The following NT5DC1 variants were observed in gnomAD, a reference collection of about 807,000 sequenced individuals.
The protein encoded by NT5DC1 is 5'-nucleotidase domain containing 1.
Under a neutral mutation model 59.4 loss-of-function variants are expected in NT5DC1, and 42 were observed. The ratio of observed to expected loss-of-function variants is 0.71; its 90% CI spans 0.55 to 0.92. The LOEUF is 0.92. Among genes scored for constraint, NT5DC1 ranks in the 40% least tolerant of loss-of-function variants. The probability of loss-of-function intolerance (pLI) is 0.00; values close to 1 mark genes in which losing one functional copy is unlikely to be tolerated. For synonymous variants in NT5DC1, 172 were observed against 188.1 expected (o/e 0.91, Z 0.70); for missense variants, 501 against 537.1 (o/e 0.93, Z 0.66).
At chr6:116,240,143 A>T (rs1247256824) in intron 11 of NT5DC1, among the ~76,000 whole-genome samples, 1 of 152,192 alleles carries the variant, frequency 6.6e-6, no homozygotes, top group Non-Finnish European at 1.5e-5. Flanking sequence ...TATAGTGAGA[A>T]GGAGTAAGAT....
chr6:116,218,929 C>T (rs1245473110), intron 6 of NT5DC1, among the ~76,000 whole-genome samples: 1 of 152,124 alleles, frequency 6.6e-6, no homozygotes, highest in Admixed American at 6.6e-5. Context: ...TTTTACACAA[C>T]CAGAGGTTGT....
intron 6 of NT5DC1, among the ~76,000 whole-genome samples, chr6:116,220,435 GAT>G (rs1444447363): frequency 4.6e-5 from 7 of 152,130 alleles, no homozygotes; most frequent in Non-Finnish European, 1.0e-4. Context: ...CCGCTTCAGT[GAT>G]GCGAGTCATT....
At chr6:116,170,373 A>G (rs956221945) in intron 6 of NT5DC1, among the ~76,000 whole-genome samples, 1 of 152,172 alleles carries the variant, frequency 6.6e-6, no homozygotes, top group African/African-American at 2.4e-5. Context: ...TTCGAAGTCT[A>G]TTCTGCCACG....
intron 1 of NT5DC1, among the ~76,000 whole-genome samples, chr6:116,103,670 C>A (rs182220532): frequency 6.6e-6 from 1 of 152,082 alleles, no homozygotes; most frequent in African/African-American, 2.4e-5. Flanking sequence ...GCTGTGAGTG[C>A]GTCTCCTTTC....
chr6:116,198,371 C>T (rs1781279321), intron 6 of NT5DC1, among the ~76,000 whole-genome samples: 2 of 152,006 alleles, frequency 1.3e-5, no homozygotes, highest in Non-Finnish European at 2.9e-5. Flanking sequence ...TAACTGTGCT[C>T]ATGCCCTGCT....
chr6:116,147,147 A>G (rs1450053271), intron 6 of NT5DC1, among the ~76,000 whole-genome samples: 6 of 151,954 alleles, frequency 3.9e-5, no homozygotes, highest in Non-Finnish European at 8.8e-5. Flanking sequence ...TTAAAGATAA[A>G]TGACAAACTG....
intron 6 of NT5DC1, among the ~76,000 whole-genome samples, chr6:116,173,471 A>T (rs534740260): frequency 1.3e-5 from 2 of 152,300 alleles, no homozygotes; most frequent in Admixed American, 1.3e-4. Context: ...AGAGGTAGGC[A>T]GCCTGTCAGT....
intron 6 of NT5DC1, among the ~76,000 whole-genome samples, chr6:116,135,318 C>T (rs1014700042): frequency 2.2e-4 from 33 of 151,954 alleles, no homozygotes; most frequent in African/African-American, 7.5e-4. Context: ...GCATCAATAT[C>T]ATTAAAATAC....
intron 6 of NT5DC1, among the ~76,000 whole-genome samples, chr6:116,139,995 C>A (rs1222954115): frequency 6.6e-6 from 1 of 152,038 alleles, no homozygotes; most frequent in African/African-American, 2.4e-5. Flanking sequence ...CTTATTTGAT[C>A]CAGAAGAGAC....
At chr6:116,238,831 G>T in intron 10 of NT5DC1, 124 bp from the exon 11 acceptor site, 1 of 610,116 alleles carries the variant, frequency 1.6e-6, no homozygotes. Flanking sequence ...ATTTAATGTG[G>T]GCCCAAAGCC....
Position 116,115,720 on chromosome 6 carries a change from G to T in NT5DC1, c.394G>T (p.Asp132Tyr). ...GKYYFYDNYFDLPGALLCARV... is the reference protein window; with the variant it reads ...GKYYFYDNYFYLPGALLCARV... Reference sequence around the variant, plus strand: ...GTATTACTTTTACGACAACTACTTTGACCTGCCAGGAGCTCTTCTGTGTGC... The same window carrying T: ...GTATTACTTTTACGACAACTACTTTTACCTGCCAGGAGCTCTTCTGTGTGC... The change falls in exon 5 of 12, where the codon GAC (aspartate) becomes TAC (tyrosine). Residue 132 changes from aspartate to tyrosine, a missense_variant. Physicochemically the swap from Asp to Tyr is radical, Grantham distance 160. Coordinates refer to ENST00000319550, the MANE Select transcript of NT5DC1 (RefSeq NM_152729.3). 1.2e-6 allele frequency: 2 copies of T among 1,603,994 alleles called. No individual in the cohort carries two copies. Among genetic ancestry groups the T allele is most frequent in the South Asian group, 2.2e-5 (2 of 90,818 alleles).
chr6:116,228,306 C>CA (rs1470554903), intron 8 of NT5DC1, among the ~76,000 whole-genome samples: 1 of 152,186 alleles, frequency 6.6e-6, no homozygotes, highest in Non-Finnish European at 1.5e-5. Context: ...GTCAGGAGTT[C>CA]AAGACCAGCC....
At chr6:116,141,355 G>A (rs1779759417) in intron 6 of NT5DC1, among the ~76,000 whole-genome samples, 1 of 151,646 alleles carries the variant, frequency 6.6e-6, no homozygotes, top group African/African-American at 2.4e-5. Context: ...GATACTTCCA[G>A]TTTGTGACAT....
At chr6:116,192,592 C>T (rs1372949253) in intron 6 of NT5DC1, among the ~76,000 whole-genome samples, 2 of 151,932 alleles carry the variant, frequency 1.3e-5, no homozygotes, top group Admixed American at 1.3e-4. Context: ...AGTCAAAAAT[C>T]AAATCTTAAA....
Position 116,139,749 on chromosome 6 carries a change from T to G in NT5DC1, c.529+21804T>G, listed in dbSNP as rs180899222. Among the ~76,000 whole-genome samples the G allele has an allele frequency of 6.0e-4, 92 of 152,256 alleles. 1 individual carries two copies. In the East Asian group the frequency reaches 7.3e-3, roughly 12 times the overall value. ...TGGGAGTAAGGAGAGAAATAGGAAT[T>G]TGACAGTTTTTTGCTTAAAAGGCAT... On this transcript the variant is annotated intron_variant, in intron 6 of 11. Transcript: ENST00000319550.
chr6:116,165,372 T>C (rs921932541), intron 6 of NT5DC1, among the ~76,000 whole-genome samples: 8 of 152,242 alleles, frequency 5.3e-5, no homozygotes, highest in African/African-American at 7.2e-5. Context: ...CACATGGATT[T>C]CTATATCTCT....
chr6:116,222,980 A>G lies in NT5DC1; in HGVS notation c.705-54A>G, dbSNP rs1441741399. 3.3e-6 allele frequency: 3 copies of G among 916,328 alleles called. No individual in the cohort carries two copies. The South Asian group carries it at 4.2e-5, about 13-fold the overall frequency. The allele number at this position is 916,328 out of a possible 1,614,324, so 56.8% of individuals were successfully genotyped here. A position where few individuals can be genotyped will look rare whatever the true frequency, so the allele number is the denominator to read the frequency against. ...AAGCAAAGATCAAGTTCTGTTTTAT[A>G]TGGACCTTTTCTAATTCTTAAAATA... is the stretch of plus-strand genomic sequence containing the variant. On this transcript the variant is annotated intron_variant, in intron 7 of 11. Coordinates refer to ENST00000319550, the MANE Select transcript of NT5DC1 (RefSeq NM_152729.3).
At chr6:116,102,391 A>G (rs1778678329) in intron 1 of NT5DC1, among the ~76,000 whole-genome samples, 1 of 152,178 alleles carries the variant, frequency 6.6e-6, no homozygotes, top group Admixed American at 6.5e-5. Context: ...TTCCTTAGTC[A>G]CATTGAGAAT....
At chr6:116,120,887 C>G in intron 6 of NT5DC1, 2 of 1,613,994 alleles carry the variant, frequency 1.2e-6, no homozygotes, top group Non-Finnish European at 1.7e-6. Flanking sequence ...TCCAGGATCA[C>G]CTTTTGGACC....
Sources: allele counts gnomAD v4.1 joint callset (sites outside exome capture counted in the v4.1 genomes callset), GRCh38; gene constraint gnomAD v4.1.1; transcripts MANE v1.5; gene names NCBI Gene and HGNC (gene_info 2026-07-23, HGNC 2026-07-21).